The following PRRT3 variants were observed in gnomAD, a reference collection of about 807,000 sequenced individuals.
The protein encoded by PRRT3 is proline rich transmembrane protein 3, also known as proline-rich transmembrane protein 3.
In PRRT3, 48 loss-of-function variants were observed where a neutral mutation model predicts 56.6. That is an observed-to-expected ratio of 0.85 (90% CI 0.67 to 1.08). The LOEUF (loss-of-function observed/expected upper bound fraction) is 1.08, where lower values mean the gene tolerates loss of function less well. Among genes scored for constraint, PRRT3 ranks in the 50% least tolerant of loss-of-function variants. The pLI is 0.00. For synonymous variants in PRRT3, 641 were observed against 619.1 expected, an observed-to-expected ratio of 1.04 and a Z score of -0.52; for missense variants, 1,370 against 1,353.1, an observed-to-expected ratio of 1.01 and a Z score of -0.20.
At position 9,948,820 on chromosome 3, in the gene PRRT3, C is replaced by G. The variant is rs746102649; in HGVS notation, c.1109G>C (p.Gly370Ala). The G allele has an allele frequency of 9.9e-6, 16 of 1,613,498 alleles. No individual in the cohort carries two copies. Among genetic ancestry groups the G allele is most frequent in the African/African-American group, 4.0e-5 (3 of 74,920 alleles). ...TACAGCTGGGCCAGGGTCTGAGGGACCAGGGATGAGAGACTTGGGGGTGCC... is the reference window on the plus strand; with the variant it reads ...TACAGCTGGGCCAGGGTCTGAGGGAGCAGGGATGAGAGACTTGGGGGTGCC... ...APGTPKSLIPGPSDPGPAVNR... is the reference protein window; with the variant it reads ...APGTPKSLIPAPSDPGPAVNR... Residue 370 changes from glycine to alanine, a missense_variant, in exon 3 of 4, where the codon GGT becomes GCT. By Grantham distance (60) the Gly-to-Ala change is moderately conservative. Transcript: ENST00000412055.
At position 9,948,982 on chromosome 3, in the gene PRRT3, T is replaced by C; in HGVS notation, c.1016-69A>G. ...GTCCTCCTAATCCCTCAGGATTGAG[T>C]CACAATCAACCTCATTTGCCACAAA... On this transcript the variant is annotated intron_variant, in intron 2 of 3. Transcript: ENST00000412055. 2.0e-6 allele frequency: 3 copies of C among 1,518,992 alleles called. No individual in the cohort carries two copies. In the South Asian group the frequency reaches 3.9e-5, roughly 20 times the overall value. 94.1% of individuals were successfully genotyped at this position (1,518,992 alleles called of 1,614,324 possible). A position where few individuals can be genotyped will look rare whatever the true frequency, so the allele number is the denominator to read the frequency against.
chr3:9,950,763 AAAGT>A (rs2085609553), intron 1 of PRRT3, among the ~76,000 whole-genome samples: 1 of 152,182 alleles, frequency 6.6e-6, no homozygotes, highest in Non-Finnish European at 1.5e-5. Context: ...TTGGCCTCCT[AAAGT>A]GCTGGGATTA....
In PRRT3 at chr3:9,946,541, C is replaced by T; in HGVS notation, c.2632G>A (p.Val878Met). The change falls in exon 4 of 4, where the codon GTG becomes ATG. Residue 878 changes from valine (V) to methionine (M), a missense_variant. Physicochemically the swap from Val to Met is conservative, Grantham distance 21. Transcript: ENST00000412055. This position sits in a 1 kb window ranked among gnomAD's most constrained non-coding sequence, Gnocchi z 4.1. ...TGTGGGACCGGCCCGCGCACGCGCA[C>T]GTCGCTGAGCGACCTGCAGCGGCCG... ...LRGRCRSLSD[V>M]RVRGPVPQHV... 1 of 1,445,918 alleles carries T rather than the reference C, an allele frequency of 6.9e-7. No homozygotes were observed. Among genetic ancestry groups the T allele is most frequent in the East Asian group, 2.8e-5 (1 of 35,338 alleles). 89.6% of individuals were successfully genotyped at this position (1,445,918 alleles called of 1,614,324 possible).
At chr3:9,948,169 G>C in intron 3 of PRRT3, 168 bp from the exon 4 acceptor site, 1 of 618,726 alleles carries the variant, frequency 1.6e-6, no homozygotes, top group Middle Eastern at 4.2e-4. Context: ...TTAGCCCGGT[G>C]CCCAACACCC....
chr3:9,950,922 A>G (rs1358816975), intron 1 of PRRT3, among the ~76,000 whole-genome samples: 2 of 152,104 alleles, frequency 1.3e-5, no homozygotes, highest in African/African-American at 4.8e-5. Flanking sequence ...TTCCTGGGGG[A>G]GTCATTTCAC....
chr3:9,949,471 TGA>T lies in PRRT3; in HGVS notation c.643_644del (p.Ser215ArgfsTer15). The part of the protein sequence containing the change: ...QGPPHTLVSH[S>X]GTVKRPVLEG... ...CCAGCACTGGCCTCTTGACAGTACC[TGA>T]GTGGGAAACAAGGGTGTGGGGTGGG... On this transcript the variant is annotated frameshift_variant, in exon 2 of 4. Coordinates refer to ENST00000412055, the MANE Select transcript of PRRT3 (RefSeq NM_207351.5). LOFTEE classifies it high-confidence loss of function. The surrounding 1 kb of genome is among the most constrained non-coding windows in gnomAD (Gnocchi z 4.5). 1 of 1,614,042 alleles carries T rather than the reference TGA, an allele frequency of 6.2e-7. No homozygotes were observed. Among genetic ancestry groups the T allele is most frequent in the Non-Finnish European group, 8.5e-7 (1 of 1,179,992 alleles).
rs1354700403 is a variant in PRRT3 at position 9,949,520 on chromosome 3, G to A, written c.596C>T (p.Thr199Ile). 5 of 1,613,994 alleles carry A rather than the reference G, an allele frequency of 3.1e-6. No homozygotes were observed. Among genetic ancestry groups the A allele is most frequent in the Non-Finnish European group, 4.2e-6 (5 of 1,180,040 alleles). The change falls in exon 2 of 4, where the codon ACT becomes ATT. Residue 199 changes from threonine (T) to isoleucine (I), a missense_variant. Physicochemically the swap from Thr to Ile is moderately conservative, Grantham distance 89. Coordinates refer to ENST00000412055, the MANE Select transcript of PRRT3 (RefSeq NM_207351.5). The surrounding 1 kb of genome is among the most constrained non-coding windows in gnomAD (Gnocchi z 4.5). ...TGGGCCCTGGTGGTCTGAGGGAGAA[G>A]TGGGTGGGACCCTGCTCTTAGTTTT... ...KAKTKSRVPP[T>I]SPSDHQGPPH...
At position 9,947,952 on chromosome 3, in the gene PRRT3, G is replaced by A. The variant is rs767907174; in HGVS notation, c.1221C>T (p.Pro407=). The change falls in exon 4 of 4, where the codon CCC becomes CCT. Residue 407 remains proline (P), a synonymous_variant. Coordinates refer to ENST00000412055, the MANE Select transcript of PRRT3 (RefSeq NM_207351.5). The surrounding 1 kb of genome is among the most constrained non-coding windows in gnomAD (Gnocchi z 9.2). The stretch of plus-strand genomic sequence containing the variant: ...GTGACGTCGAGGGGGCCTGGACTGG[G>A]GGTGCTGGGGGATGGCTTTGGGGGC... ...PGRPQSHPPA[P]PVQAPSTSRR... The A allele has an allele frequency of 2.9e-6, 4 of 1,384,778 alleles. No homozygotes were observed. The East Asian group carries it at 1.1e-4, about 38-fold the overall frequency. The allele number at this position is 1,384,778 out of a possible 1,614,324, so 85.8% of individuals were successfully genotyped here. A position where few individuals can be genotyped will look rare whatever the true frequency, so the allele number is the denominator to read the frequency against.
Position 9,947,643 on chromosome 3 carries a change from C to T in PRRT3, c.1530G>A (p.Val510=). ...CGGATCGCAGCGCCGAAGCCACGAG[C>T]ACCAGCACCGCGGCCACCAATGCCA... is the stretch of plus-strand genomic sequence containing the variant. ...PRLALVAAVL[V]LVASALRSAY... Residue 510 remains valine (V), a synonymous_variant, in exon 4 of 4, where the codon GTG becomes GTA. Coordinates refer to ENST00000412055, the MANE Select transcript of PRRT3 (RefSeq NM_207351.5). This position sits in a 1 kb window ranked among gnomAD's most constrained non-coding sequence, Gnocchi z 9.2. 1.3e-6 allele frequency: 2 copies of T among 1,575,264 alleles called. No homozygotes were observed. Among genetic ancestry groups the T allele is most frequent in the African/African-American group, 2.7e-5 (2 of 73,964 alleles).
intron 1 of PRRT3, among the ~76,000 whole-genome samples, chr3:9,952,103 G>T (rs980052069): frequency 3.9e-5 from 6 of 152,198 alleles, no homozygotes; most frequent in Non-Finnish European, 8.8e-5. Context: ...GGGCGAGGCC[G>T]TTGCGGGGCA....
At position 9,946,859 on chromosome 3, in the gene PRRT3, AGGCGCCTGAACTGGGCGT is replaced by A; in HGVS notation, c.2296_2313del (p.Thr766_Ala771del). On this transcript the variant is annotated inframe_deletion, in exon 4 of 4. Transcript: ENST00000412055. This position sits in a 1 kb window ranked among gnomAD's most constrained non-coding sequence, Gnocchi z 4.1. Reference sequence around the variant, plus strand: ...CGACCCAACGACGCAGCCGAGCCCCAGGCGCCTGAACTGGGCGTGGCCAGCTGCCCACTCTCCGCCGGG... The same window carrying A: ...CGACCCAACGACGCAGCCGAGCCCCAGGCCAGCTGCCCACTCTCCGCCGGG... 6.5e-7 allele frequency: 1 copy of A among 1,539,378 alleles called. No homozygotes were observed. Among genetic ancestry groups the A allele is most frequent in the Non-Finnish European group, 8.7e-7 (1 of 1,148,338 alleles).
rs1394448212 is a variant in PRRT3 at position 9,946,909 on chromosome 3, A to G, written c.2264T>C (p.Ile755Thr). The change falls in exon 4 of 4, where the codon ATC (isoleucine) becomes ACC (threonine). Residue 755 changes from isoleucine to threonine, a missense_variant. Coordinates refer to ENST00000412055, the MANE Select transcript of PRRT3 (RefSeq NM_207351.5). The surrounding 1 kb of genome is among the most constrained non-coding windows in gnomAD (Gnocchi z 4.1). Reference protein sequence around the residue: ...AGSLDISKSLIRNPAESGQLA... With the variant: ...AGSLDISKSLTRNPAESGQLA... ...CTGCCCACTCTCCGCCGGGTTGCGG[A>G]TGAGGCTCTTGCTGATGTCCAAGCT... 2 of 1,539,632 alleles carry G rather than the reference A, an allele frequency of 1.3e-6. No individual in the cohort carries two copies. The highest frequency in any genetic ancestry group is 1.7e-6 in the Non-Finnish European group (2 of 1,148,302).
rs2085575427 is a variant in PRRT3, at chr3:9,949,048, T to C, written c.1015+53A>G. 7 of 1,533,058 alleles carry C rather than the reference T, an allele frequency of 4.6e-6. No individual in the cohort carries two copies. Among genetic ancestry groups the C allele is most frequent in the Non-Finnish European group, 6.1e-6 (7 of 1,146,040 alleles). The allele number at this position is 1,533,058 out of a possible 1,614,324, so 95.0% of individuals were successfully genotyped here. ...TAGAGGGACCCAGGGTCAAACAGAA[T>C]TGAGGCATCCAGCTGCCCCAGAACA... is the stretch of plus-strand genomic sequence containing the variant. On this transcript the variant is annotated intron_variant, in intron 2 of 3. Transcript: ENST00000412055. The surrounding 1 kb of genome is among the most constrained non-coding windows in gnomAD (Gnocchi z 4.5).
Position 9,945,639 on chromosome 3 carries a change from GTTC to G in PRRT3, c.*585_*587del, listed in dbSNP as rs2085498676. The G allele has an allele frequency of 6.5e-6, 1 of 153,300 alleles. No individual in the cohort carries two copies. The highest frequency in any genetic ancestry group is 2.1e-4 in the South Asian group (1 of 4,854). 9.5% of individuals were successfully genotyped at this position (153,300 alleles called of 1,614,324 possible). On this transcript the variant is annotated 3_prime_UTR_variant, in exon 4 of 4. Coordinates refer to ENST00000412055, the MANE Select transcript of PRRT3 (RefSeq NM_207351.5). Reference sequence around the variant, plus strand: ...GGGGAGTCTGGGGCACCTGCTCCCTGTTCTTCATGCCCGAATCCATGCACACCC... The same window carrying G: ...GGGGAGTCTGGGGCACCTGCTCCCTGTTCATGCCCGAATCCATGCACACCC...
chr3:9,948,984 ACAAT>A, intron 2 of PRRT3, 71 bp from the exon 3 acceptor site: 2 of 1,518,370 alleles, frequency 1.3e-6, no homozygotes, highest in South Asian at 2.6e-5. Context: ...GGATTGAGTC[ACAAT>A]CAACCTCATT....
chr3:9,949,160 G>T lies in PRRT3; in HGVS notation c.956C>A (p.Pro319Gln), dbSNP rs2085578622. Residue 319 changes from proline to glutamine, a missense_variant, in exon 2 of 4, where the codon CCA becomes CAA. By Grantham distance (76) the Pro-to-Gln change is moderately conservative. Transcript: ENST00000412055. The surrounding 1 kb of genome is among the most constrained non-coding windows in gnomAD (Gnocchi z 4.5). ...QADLPDAKDS[P>Q]GPQPTDPPAS... ...GGGTGGATCCGTGGGCTGGGGTCCT[G>T]GTGAATCCTTAGCGTCAGGAAGGTC... 6.2e-7 allele frequency: 1 copy of T among 1,612,218 alleles called. No homozygotes were observed. Among genetic ancestry groups the T allele is most frequent in the Admixed American group, 1.7e-5 (1 of 59,772 alleles).
In PRRT3 at chr3:9,947,489, C is replaced by T. The variant is rs1005216456; in HGVS notation, c.1684G>A (p.Ala562Thr). ...TTTTGCAGCGGTGGCGGCAGCCCCGCGCCCAGGCCGAGCAGAGTCAGGGCT... is the reference window on the plus strand; with the variant it reads ...TTTTGCAGCGGTGGCGGCAGCCCCGTGCCCAGGCCGAGCAGAGTCAGGGCT... ...LAALTLLGLG[A>T]GLPPPLQNPL... is the part of the protein sequence containing the mutation. Residue 562 changes from alanine (A) to threonine (T), a missense_variant, in exon 4 of 4, where the codon GCG (alanine) becomes ACG (threonine). By Grantham distance (58) the Ala-to-Thr change is moderately conservative (BLOSUM62 0). Coordinates refer to ENST00000412055, the MANE Select transcript of PRRT3 (RefSeq NM_207351.5). The surrounding 1 kb of genome is among the most constrained non-coding windows in gnomAD (Gnocchi z 9.2). 2.5e-6 allele frequency: 4 copies of T among 1,612,128 alleles called. No individual in the cohort carries two copies. Among genetic ancestry groups the T allele is most frequent in the African/African-American group, 1.3e-5 (1 of 74,910 alleles).
rs2085573746 is a variant in PRRT3 at position 9,948,930 on chromosome 3, GTCATC to G, written c.1016-22_1016-18del. 6.4e-7 allele frequency: 1 copy of G among 1,554,520 alleles called. No homozygotes were observed. Among genetic ancestry groups the G allele is most frequent in the African/African-American group, 1.4e-5 (1 of 72,754 alleles). On this transcript the variant is annotated intron_variant, in intron 2 of 3. Coordinates refer to ENST00000412055, the MANE Select transcript of PRRT3 (RefSeq NM_207351.5). ...CTGCTCTCTCTGAAATGACAAAGCA[GTCATC>G]ACCTTACCTGACCCTCCTATGGTCC...
In PRRT3 at chr3:9,947,682, T is replaced by G. The variant is rs746397286; in HGVS notation, c.1491A>C (p.Pro497=). ...CCACCAATGCCAGCCGGGGCCCTGCTGGGGCGGCTGCCAGCGCAGCCAGCG... is the reference window on the plus strand; with the variant it reads ...CCACCAATGCCAGCCGGGGCCCTGCGGGGGCGGCTGCCAGCGCAGCCAGCG... ...LLALAALAAA[P]AGPRLALVAA... The change falls in exon 4 of 4, where the codon CCA becomes CCC. Residue 497 remains proline (P), a synonymous_variant. Transcript: ENST00000412055. The surrounding 1 kb of genome is among the most constrained non-coding windows in gnomAD (Gnocchi z 9.2). 1.3e-6 allele frequency: 2 copies of G among 1,567,382 alleles called. No homozygotes were observed. The highest frequency in any genetic ancestry group is 2.4e-5 in the South Asian group (2 of 84,944).
Sources: allele counts gnomAD v4.1 joint callset (sites outside exome capture counted in the v4.1 genomes callset), GRCh38; gene constraint gnomAD v4.1.1; non-coding constraint Gnocchi (gnomAD v3.1); transcripts MANE v1.5; gene names NCBI Gene and HGNC (gene_info 2026-07-23, HGNC 2026-07-21).